LRRC51: variants seen among roughly 807,000 people sequenced by gnomAD.
LRRC51 encodes the protein leucine rich repeat containing 51.
LRRC51 carries 8 observed loss-of-function variants against 17.8 expected under a neutral mutation model. The ratio of observed to expected loss-of-function variants is 0.45; its 90% CI spans 0.26 to 0.81. The LOEUF (loss-of-function observed/expected upper bound fraction) is 0.81, where lower values mean the gene tolerates loss of function less well. LRRC51 is among the 30% of genes least tolerant of loss of function. LRRC51 has a pLI of 0.17. For missense variants in LRRC51, 233 were observed against 239.3 expected, an observed-to-expected ratio of 0.97 and a Z score of 0.17; for synonymous variants, 92 against 96.0, an observed-to-expected ratio of 0.96 and a Z score of 0.24.
intron 5 of LRRC51, 78 bp from the exon 6 acceptor site, chr11:72,095,301 G>A (rs1945121388): frequency 6.2e-7 from 1 of 1,611,594 alleles, no homozygotes; most frequent in Non-Finnish European, 8.5e-7. Context: ...TTGCAGTCAG[G>A]GAAGACAACA....
In LRRC51 at chr11:72,095,696, G is replaced by A. The variant is rs533720308; in HGVS notation, c.*176G>A. On this transcript the variant is annotated 3_prime_UTR_variant, in exon 6 of 6. Coordinates refer to ENST00000289488, the MANE Select transcript of LRRC51 (RefSeq NM_145309.6). ...CTTTTCTTTTTTTTTTTTTTGAGAC[G>A]GAGTCTCACTCTGTCACACAGGCTG... is the stretch of plus-strand genomic sequence containing the variant. 62 of 1,404,522 alleles carry A rather than the reference G, an allele frequency of 4.4e-5. No individual in the cohort carries two copies. Among genetic ancestry groups the A allele is most frequent in the South Asian group, 1.5e-4 (11 of 71,762 alleles). The allele number at this position is 1,404,522 out of a possible 1,614,324, so 87.0% of individuals were successfully genotyped here.
intron 3 of LRRC51, among the ~76,000 whole-genome samples, chr11:72,091,015 G>C (rs1285728216): frequency 6.6e-6 from 1 of 152,172 alleles, no homozygotes; most frequent in Non-Finnish European, 1.5e-5. Flanking sequence ...GGCCTACTCT[G>C]AACAAGGAAC....
At chr11:72,083,415 T>C (rs913576133) in intron 1 of LRRC51, among the ~76,000 whole-genome samples, 1 of 152,196 alleles carries the variant, frequency 6.6e-6, no homozygotes, top group African/African-American at 2.4e-5. Context: ...TCTCAGTCAC[T>C]TCTTCAGGAA....
At chr11:72,087,018 A>C (rs1206075600) in intron 1 of LRRC51, among the ~76,000 whole-genome samples, 2 of 152,204 alleles carry the variant, frequency 1.3e-5, no homozygotes, top group African/African-American at 2.4e-5. Context: ...TGTAGATTTA[A>C]TATCTAAAAG....
rs1720742312 is a variant in LRRC51, at chr11:72,087,315, T to TC, written c.-139-980dup. ...TTTTTTTTTTTTTTTTTTTTTTTTT[T>TC]CCTGAGACAGGGTCTACAGGGTCTT... On this transcript the variant is annotated intron_variant, in intron 1 of 5. Coordinates refer to ENST00000289488, the MANE Select transcript of LRRC51 (RefSeq NM_145309.6). Among the ~76,000 whole-genome samples the TC allele has an allele frequency of 3.9e-5, 3 of 76,666 alleles. No homozygotes were observed. In the South Asian group the frequency reaches 1.2e-3, roughly 30 times the overall value. The allele number at this position is 76,666 out of a possible 152,430, so 50.3% of individuals were successfully genotyped here.
At chr11:72,086,539 A>G in intron 1 of LRRC51, 1 of 693,580 alleles carries the variant, frequency 1.4e-6, no homozygotes, top group Non-Finnish European at 2.6e-6. Flanking sequence ...CATCCCACAA[A>G]CATTTTGAGT....
intron 1 of LRRC51, chr11:72,085,775 C>T (rs1236596196): frequency 6.6e-6 from 1 of 152,536 alleles, no homozygotes; most frequent in Non-Finnish European, 1.5e-5. Flanking sequence ...TGGGCTTACT[C>T]ATGTGTCGGC....
In LRRC51 at chr11:72,095,395, A is replaced by C. The variant is rs764144109; in HGVS notation, c.454A>C (p.Thr152Pro). The C allele has an allele frequency of 3.7e-6, 6 of 1,613,928 alleles. No individual in the cohort carries two copies. Residue 152 changes from threonine to proline, a missense_variant, in exon 6 of 6, where the codon ACC becomes CCC. Coordinates refer to ENST00000289488, the MANE Select transcript of LRRC51 (RefSeq NM_145309.6). Reference protein sequence around the residue: ...EKGYRQYVLCTLSRITTFDFS... With the variant: ...EKGYRQYVLCPLSRITTFDFS... ...TCCCCACAGGCAATATGTGCTGTGC[A>C]CCCTGTCCCGTATCACCACGTTCGA...
chr11:72,094,375 A>G, intron 4 of LRRC51: 2 of 320,594 alleles, frequency 6.2e-6, no homozygotes, highest in East Asian at 6.1e-5. Context: ...GTCACTGCGC[A>G]CCCACTGTGA....
Position 72,095,048 on chromosome 11 carries a change from G to C in LRRC51, c.389G>C (p.Arg130Pro), listed in dbSNP as rs367956242. Residue 130 changes from arginine to proline, a missense_variant, in exon 5 of 6, where the codon CGT becomes CCT. Physicochemically the swap from Arg to Pro is moderately radical, Grantham distance 103. Transcript: ENST00000289488. ...VNKLAVLPRL[R>P]SLTLHGNPME... ...AAGCTGGCTGTCCTTCCTCGGCTCCGTAGCCTGACACTCCATGGGAACCCC... is the reference window on the plus strand; with the variant it reads ...AAGCTGGCTGTCCTTCCTCGGCTCCCTAGCCTGACACTCCATGGGAACCCC... 1.9e-6 allele frequency: 3 copies of C among 1,614,010 alleles called. No individual in the cohort carries two copies. The highest frequency in any genetic ancestry group is 4.5e-5 in the East Asian group (2 of 44,858).
chr11:72,093,451 C>A, intron 3 of LRRC51, 45 bp from the exon 4 acceptor site: 3 of 1,558,618 alleles, frequency 1.9e-6, no homozygotes, highest in Non-Finnish European at 2.6e-6. Flanking sequence ...CCCCCTAAAG[C>A]CAAAAAAGCA....
chr11:72,088,983 TGAA>T, intron 2 of LRRC51, 43 bp from the exon 3 acceptor site: 1 of 1,603,698 alleles, frequency 6.2e-7, no homozygotes, highest in Non-Finnish European at 8.5e-7. Context: ...TGGGGAAACC[TGAA>T]AGCCGGTGTA....
At chr11:72,091,676 T>C (rs1255749982) in intron 3 of LRRC51, among the ~76,000 whole-genome samples, 1 of 152,222 alleles carries the variant, frequency 6.6e-6, no homozygotes, top group Non-Finnish European at 1.5e-5. Flanking sequence ...GGTTCTAACA[T>C]AATCCTATTC....
intron 4 of LRRC51, chr11:72,094,325 A>T (rs1201152271): frequency 9.1e-6 from 2 of 219,548 alleles, no homozygotes; most frequent in Non-Finnish European, 1.8e-5. Flanking sequence ...GAAAACCAAC[A>T]AACAACTGGT....
Position 72,095,492 on chromosome 11 carries a change from A to C in LRRC51, c.551A>C (p.Lys184Thr), listed in dbSNP as rs777732219. Reference protein sequence around the residue: ...VWKRMNIKPKKAWTKQNTL With the variant: ...VWKRMNIKPKTAWTKQNTL ...AAACGCATGAACATCAAGCCCAAGA[A>C]GGCCTGGACCAAGCAGAATACACTT... is the stretch of plus-strand genomic sequence containing the variant. The change falls in exon 6 of 6, where the codon AAG becomes ACG. Residue 184 changes from lysine (K) to threonine (T), a missense_variant. Coordinates refer to ENST00000289488, the MANE Select transcript of LRRC51 (RefSeq NM_145309.6). 3 of 1,614,040 alleles carry C rather than the reference A, an allele frequency of 1.9e-6. No homozygotes were observed. The highest frequency in any genetic ancestry group is 3.3e-5 in the Admixed American group (2 of 59,998).
intron 1 of LRRC51, chr11:72,086,080 AAG>A: frequency 4.3e-6 from 1 of 232,696 alleles, no homozygotes; most frequent in Non-Finnish European, 8.3e-6. Flanking sequence ...TATAGGCAAA[AAG>A]AGATGGATAC....
At position 72,095,517 on chromosome 11, in the gene LRRC51, T is replaced by C. The variant is rs1485308893; in HGVS notation, c.576T>C (p.Leu192=). 1.2e-6 allele frequency: 2 copies of C among 1,613,602 alleles called. No individual in the cohort carries two copies. Among genetic ancestry groups the C allele is most frequent in the African/African-American group, 1.3e-5 (1 of 74,882 alleles). ...AGGCCTGGACCAAGCAGAATACACT[T>C]TGAGGCTCCCACGACCCTAGTAGTC... ...PKKAWTKQNT[L] is the part of the protein sequence containing the mutation. Residue 192 remains leucine (L), a synonymous_variant, in exon 6 of 6, where the codon CTT becomes CTC. Transcript: ENST00000289488.
chr11:72,089,374 G>A (rs1215042293), intron 3 of LRRC51: 2 of 1,476,634 alleles, frequency 1.4e-6, no homozygotes, highest in Admixed American at 2.1e-5. Context: ...ACAGCCCCAG[G>A]AGATCCTAAG....
intron 5 of LRRC51, 114 bp from the exon 6 acceptor site, chr11:72,095,264 CA>C: frequency 6.3e-7 from 1 of 1,595,172 alleles, no homozygotes; most frequent in Non-Finnish European, 8.5e-7. Flanking sequence ...TAATCTTTCC[CA>C]AACTATGCTC....
Sources: allele counts gnomAD v4.1 joint callset (sites outside exome capture counted in the v4.1 genomes callset), GRCh38; gene constraint gnomAD v4.1.1; transcripts MANE v1.5; gene names NCBI Gene and HGNC (gene_info 2026-07-23, HGNC 2026-07-21).